Variants in MYRF observed in about 807,000 individuals in gnomAD.
MYRF encodes the protein myelin gene regulatory factor.
In MYRF, 16 loss-of-function variants were observed where a neutral mutation model predicts 126.3. That is an observed-to-expected ratio of 0.13 (90% CI 0.09 to 0.19). The LOEUF (loss-of-function observed/expected upper bound fraction) is 0.19, where lower values mean the gene tolerates loss of function less well. Ranked by LOEUF, MYRF falls within the 10% of genes least tolerant of loss-of-function variation. The pLI, the probability that MYRF is intolerant of heterozygous loss-of-function variation, is 1.00. For missense variants in MYRF, 1,104 were observed against 1,547.0 expected (o/e 0.71, Z 4.80); for synonymous variants, 608 against 635.3 (o/e 0.96, Z 0.65).
intron 1 of MYRF, among the ~76,000 whole-genome samples, chr11:61,761,292 G>A (rs552550531): frequency 3.9e-5 from 6 of 152,096 alleles, no homozygotes; most frequent in East Asian, 1.9e-4. Context: ...AAGGAGGGGC[G>A]GAAGGGAGGG....
At chr11:61,767,912 G>A (rs2066109662) in intron 3 of MYRF, among the ~76,000 whole-genome samples, 2 of 151,652 alleles carry the variant, frequency 1.3e-5, no homozygotes, top group South Asian at 4.2e-4. Flanking sequence ...GAGGCCTGGA[G>A]TTTGAGACCG....
Position 61,771,630 on chromosome 11 carries a change from C to G in MYRF, c.871C>G (p.Arg291Gly), listed in dbSNP as rs202068755. ...TVTALPLHPT[R>G]APSPPWPPQG... is the part of the protein sequence containing the mutation. ...GACAGCCCTGCCTCTGCACCCCACT[C>G]GAGCCCCATCGCCACCCTGGCCTCC... is the stretch of plus-strand genomic sequence containing the variant. The change falls in exon 6 of 27, where the codon CGA (arginine) becomes GGA (glycine). Residue 291 changes from arginine (R) to glycine (G), a missense_variant. Arg to Gly is a moderately radical substitution (Grantham distance 125). Coordinates refer to ENST00000278836, the MANE Select transcript of MYRF (RefSeq NM_001127392.3). The G allele has an allele frequency of 3.1e-5, 50 of 1,613,974 alleles. No individual in the cohort carries two copies. In the East Asian group the frequency reaches 1.1e-3, roughly 35 times the overall value.
At chr11:61,775,213 C>G (rs2066342921) in intron 8 of MYRF, among the ~76,000 whole-genome samples, 1 of 152,202 alleles carries the variant, frequency 6.6e-6, no homozygotes, top group Admixed American at 6.5e-5. Flanking sequence ...CACTCCCTAT[C>G]CTTCCAAGGC....
At position 61,776,564 on chromosome 11, in the gene MYRF, C is replaced by A; in HGVS notation, c.1499+132C>A. ...CAGATGAGAGACCTGAGATTTAGAG[C>A]CCTTCATTGACTTAAGGATGGGAAG... On this transcript the variant is annotated intron_variant, in intron 10 of 26. Transcript: ENST00000278836. This position sits in a 1 kb window ranked among gnomAD's most constrained non-coding sequence, Gnocchi z 4.3. 1.3e-6 allele frequency: 1 copy of A among 796,422 alleles called. No homozygotes were observed. Among genetic ancestry groups the A allele is most frequent in the Non-Finnish European group, 2.0e-6 (1 of 495,602 alleles). The allele number at this position is 796,422 out of a possible 1,614,324, so 49.3% of individuals were successfully genotyped here.
chr11:61,784,299 G>C lies in MYRF; in HGVS notation c.3214G>C (p.Val1072Leu). 6.2e-7 allele frequency: 1 copy of C among 1,613,996 alleles called. No individual in the cohort carries two copies. Among genetic ancestry groups the C allele is most frequent in the Non-Finnish European group, 8.5e-7 (1 of 1,179,988 alleles). Reference protein sequence around the residue: ...LQMNSSSPVSVVLCSLRSKEE... With the variant: ...LQMNSSSPVSLVLCSLRSKEE... ...CTACAGCTCCTCCTCCCCCGTGTCT[G>C]TGGTGCTGTGCAGCCTGAGGTCAAA... The change falls in exon 25 of 27, where the codon GTG becomes CTG. Residue 1072 changes from valine to leucine, a missense_variant. Val to Leu is a conservative substitution (Grantham distance 32, BLOSUM62 1). Transcript: ENST00000278836.
At chr11:61,766,242 G>C (rs1453328881) in intron 3 of MYRF, 21 bp downstream of exon 3, 4 of 1,587,184 alleles carry the variant, frequency 2.5e-6, no homozygotes, top group Non-Finnish European at 3.4e-6. Flanking sequence ...GCAGGGAGTA[G>C]GGGGATACAG....
rs555552791 is a variant in MYRF at position 61,787,116 on chromosome 11, TTGC to T, written c.*976_*978del. On this transcript the variant is annotated 3_prime_UTR_variant, in exon 27 of 27. Transcript: ENST00000278836. ...GCTGGTGGGCAGATGCAAATAGCTT[TTGC>T]TGTTATTAATGAAGTAATTACTAAA... The T allele has an allele frequency of 2.1e-3, 323 of 152,880 alleles. No homozygotes were observed. Among genetic ancestry groups the T allele is most frequent in the Non-Finnish European group, 3.5e-3 (241 of 68,044 alleles). 9.5% of individuals were successfully genotyped at this position (152,880 alleles called of 1,614,324 possible). A position where few individuals can be genotyped will look rare whatever the true frequency, so the allele number is the denominator to read the frequency against.
chr11:61,774,244 G>T (rs1591111968), intron 8 of MYRF, 82 bp downstream of exon 8: 1 of 1,321,848 alleles, frequency 7.6e-7, no homozygotes, highest in Non-Finnish European at 1.0e-6. Flanking sequence ...GCAAGCGTTG[G>T]CTGGATGCTG....
chr11:61,773,621 AAGGAGCCGAGTGTGGGG>A (rs1350238287), intron 7 of MYRF, among the ~76,000 whole-genome samples: 1 of 152,066 alleles, frequency 6.6e-6, no homozygotes, highest in African/African-American at 2.4e-5. Context: ...GCCTTCTGGG[AAGGAGCCGAGTGTGGGG>A]AGGGCAGTCA....
rs753552599 is a variant in MYRF at position 61,778,767 on chromosome 11, G to C, written c.2013+278G>C. ...CTTCCACCCCCGGTAAAATGAGGGCGGTAATAGAACTGCACAGACATCCTC... is the reference window on the plus strand; with the variant it reads ...CTTCCACCCCCGGTAAAATGAGGGCCGTAATAGAACTGCACAGACATCCTC... On this transcript the variant is annotated intron_variant, in intron 14 of 26. Coordinates refer to ENST00000278836, the MANE Select transcript of MYRF (RefSeq NM_001127392.3). The surrounding 1 kb of genome is among the most constrained non-coding windows in gnomAD (Gnocchi z 4.6). 3 of 606,412 alleles carry C rather than the reference G, an allele frequency of 4.9e-6. No homozygotes were observed. The highest frequency in any genetic ancestry group is 1.5e-5 in the South Asian group (1 of 65,966). The allele number at this position is 606,412 out of a possible 1,614,324, so 37.6% of individuals were successfully genotyped here.
intron 8 of MYRF, among the ~76,000 whole-genome samples, chr11:61,775,472 T>C (rs1049907835): frequency 4.6e-5 from 7 of 152,082 alleles, no homozygotes; most frequent in Non-Finnish European, 7.4e-5. Context: ...ACAACCCCAG[T>C]AGTGGCTGAT....
chr11:61,775,265 C>T (rs1470472292), intron 8 of MYRF, among the ~76,000 whole-genome samples: 1 of 152,182 alleles, frequency 6.6e-6, no homozygotes, highest in Non-Finnish European at 1.5e-5. Flanking sequence ...CCAAGCTGCA[C>T]CACGGGGGCC....
At chr11:61,753,207 G>A (rs998215665) in intron 1 of MYRF, among the ~76,000 whole-genome samples, 1 of 151,978 alleles carries the variant, frequency 6.6e-6, no homozygotes, top group Admixed American at 6.5e-5. Context: ...GTGCCTTCTA[G>A]GACCTTCCGT....
Position 61,757,989 on chromosome 11 carries a change from C to T in MYRF, c.46+5199C>T, listed in dbSNP as rs1057236622. Among the ~76,000 whole-genome samples the T allele has an allele frequency of 6.6e-6, 1 of 152,134 alleles. No individual in the cohort carries two copies. The highest frequency in any genetic ancestry group is 6.5e-5 in the Admixed American group (1 of 15,290). ...ACGGGTGGCCACGCCAGGTGATGTC[C>T]GTGCAGCCTCCTTGACCTCTCTAGA... is the stretch of plus-strand genomic sequence containing the variant. On this transcript the variant is annotated intron_variant, in intron 1 of 26. Transcript: ENST00000278836. This position sits in a 1 kb window ranked among gnomAD's most constrained non-coding sequence, Gnocchi z 4.7.
intron 1 of MYRF, among the ~76,000 whole-genome samples, chr11:61,761,279 C>A (rs2065893855): frequency 7.0e-6 from 1 of 142,226 alleles, no homozygotes; most frequent in Non-Finnish European, 1.5e-5. Flanking sequence ...GGCACATAAG[C>A]ACAAGGAGGG....
chr11:61,771,572 G>A lies in MYRF; in HGVS notation c.813G>A (p.Leu271=), dbSNP rs2066220810. 1 of 1,613,862 alleles carries A rather than the reference G, an allele frequency of 6.2e-7. No homozygotes were observed. Among genetic ancestry groups the A allele is most frequent in the Admixed American group, 1.7e-5 (1 of 59,994 alleles). ...SPPSTLNAQM[L]NGMIKQEPGT... ...CCAGCACCCTCAATGCCCAGATGCT[G>A]AATGGAATGATCAAACAGGAGCCTG... The change falls in exon 6 of 27, where the codon CTG becomes CTA. Residue 271 remains leucine, a synonymous_variant. Coordinates refer to ENST00000278836, the MANE Select transcript of MYRF (RefSeq NM_001127392.3).
At chr11:61,769,638 G>A (rs1189978627) in intron 4 of MYRF, among the ~76,000 whole-genome samples, 1 of 152,140 alleles carries the variant, frequency 6.6e-6, no homozygotes, top group Non-Finnish European at 1.5e-5. Flanking sequence ...TTCCCAGGCC[G>A]GGCCCACCTC....
Position 61,778,390 on chromosome 11 carries a change from T to G in MYRF, c.1914T>G (p.Ala638=). 6.2e-7 allele frequency: 1 copy of G among 1,613,328 alleles called. No homozygotes were observed. The highest frequency in any genetic ancestry group is 1.7e-5 in the Admixed American group (1 of 60,006). ...GTCCCCTGCCCCCAGGTGTCATCGC[T>G]CAGGAGGTGAAGGAGATCTTGCCTG... is the stretch of plus-strand genomic sequence containing the variant. ...EATAPETGVI[A]QEVKEILPEA... is the part of the protein sequence containing the mutation. The change falls in exon 14 of 27, where the codon GCT becomes GCG. Residue 638 remains alanine, a synonymous_variant. Transcript: ENST00000278836. The surrounding 1 kb of genome is among the most constrained non-coding windows in gnomAD (Gnocchi z 4.6).
At chr11:61,755,252 TG>T in intron 1 of MYRF, 1 of 929,540 alleles carries the variant, frequency 1.1e-6, no homozygotes, top group Non-Finnish European at 1.6e-6. Flanking sequence ...GTGCCGGTGG[TG>T]GGCTGGGGGC....
Sources: allele counts gnomAD v4.1 joint callset (sites outside exome capture counted in the v4.1 genomes callset), GRCh38; gene constraint gnomAD v4.1.1; non-coding constraint Gnocchi (gnomAD v3.1); transcripts MANE v1.5; gene names NCBI Gene and HGNC (gene_info 2026-07-23, HGNC 2026-07-21).